Variants in RORA observed in about 807,000 individuals in gnomAD.
RORA encodes the protein RAR related orphan receptor A.
RORA carries 7 observed loss-of-function variants against 69.5 expected under a neutral mutation model. The observed-to-expected ratio is 0.10, with a 90% CI of 0.06 to 0.19. The LOEUF (loss-of-function observed/expected upper bound fraction) is 0.19. Among genes scored for constraint, RORA ranks in the 10% least tolerant of loss-of-function variants. The pLI, the probability that RORA is intolerant of heterozygous loss-of-function variation, is 1.00. For missense variants in RORA, 457 were observed against 663.0 expected, an observed-to-expected ratio of 0.69 and a Z score of 3.41; for synonymous variants, 261 against 240.8, an observed-to-expected ratio of 1.08 and a Z score of -0.78.
In RORA at chr15:60,628,135, C is replaced by T. The variant is rs148776364; in HGVS notation, c.196+50522G>A. Among the ~76,000 whole-genome samples, 48 of 152,220 alleles carry T rather than the reference C, an allele frequency of 3.2e-4. No individual in the cohort carries two copies. The South Asian group carries it at 3.9e-3, about 12-fold the overall frequency. On this transcript the variant is annotated intron_variant, in intron 2 of 10. Transcript: ENST00000335670. ...AACATTGGTATGTTACTGATTATTT[C>T]GCTAGTTTTTACCTGGTGTCCTCTT...
At chr15:61,029,170 A>C (rs1896001797) in intron 1 of RORA, among the ~76,000 whole-genome samples, 1 of 152,184 alleles carries the variant, frequency 6.6e-6, no homozygotes. Context: ...TCTAAACACC[A>C]ACCCGAACCA....
intron 1 of RORA, among the ~76,000 whole-genome samples, chr15:61,062,108 G>A (rs2140547346): frequency 6.6e-6 from 1 of 152,244 alleles, no homozygotes; most frequent in East Asian, 1.9e-4. Flanking sequence ...GGTAAAGACA[G>A]TACCCCCACC....
intron 1 of RORA, among the ~76,000 whole-genome samples, chr15:60,791,364 T>C (rs931139983): frequency 6.6e-6 from 1 of 152,202 alleles, no homozygotes; most frequent in Non-Finnish European, 1.5e-5. Flanking sequence ...AGTTAAGTTA[T>C]CTACACACAA....
At chr15:61,202,158 C>T (rs1201650457) in intron 1 of RORA, among the ~76,000 whole-genome samples, 1 of 151,986 alleles carries the variant, frequency 6.6e-6, no homozygotes, top group South Asian at 2.1e-4. Context: ...CAGGTGCGCA[C>T]CACCATGCCC....
chr15:60,726,970 GT>G (rs1232804480), intron 1 of RORA, among the ~76,000 whole-genome samples: 1 of 152,114 alleles, frequency 6.6e-6, no homozygotes, highest in African/African-American at 2.4e-5. Context: ...GATATAAAGT[GT>G]TTTTTGAGCA....
At chr15:60,561,080 T>G (rs1462394902) in intron 2 of RORA, among the ~76,000 whole-genome samples, 7 of 131,646 alleles carry the variant, frequency 5.3e-5, no homozygotes, top group South Asian at 4.4e-4. Flanking sequence ...TGTTTTGTTT[T>G]TGTTTTTTTT....
chr15:60,765,143 C>T (rs2071966653), intron 1 of RORA: 2 of 151,840 alleles, frequency 1.3e-5, no homozygotes, highest in Non-Finnish European at 2.9e-5. Context: ...ATCCCAGGGC[C>T]CATTTCTAAT....
At chr15:60,601,972 A>G (rs192391209) in intron 2 of RORA, among the ~76,000 whole-genome samples, 7 of 152,314 alleles carry the variant, frequency 4.6e-5, no homozygotes, top group Admixed American at 3.9e-4. Flanking sequence ...TACAGTATAC[A>G]TTATTGAGAA....
At chr15:61,165,057 G>A (rs1457068075) in intron 1 of RORA, among the ~76,000 whole-genome samples, 1 of 152,160 alleles carries the variant, frequency 6.6e-6, no homozygotes, top group Non-Finnish European at 1.5e-5. Flanking sequence ...AAGGCATCCT[G>A]CTTCTCTCTG....
intron 2 of RORA, among the ~76,000 whole-genome samples, chr15:60,634,566 G>A (rs1354274049): frequency 1.3e-5 from 2 of 150,006 alleles, no homozygotes; most frequent in Non-Finnish European, 3.0e-5. Context: ...CACCACGCCC[G>A]GCTAATTTTT....
At chr15:60,773,960 C>G (rs986336015) in intron 1 of RORA, among the ~76,000 whole-genome samples, 2 of 152,230 alleles carry the variant, frequency 1.3e-5, no homozygotes, top group Non-Finnish European at 2.9e-5. Context: ...TGAAATACTT[C>G]TTTTCTCCCA....
chr15:60,627,262 G>A (rs199561498), intron 2 of RORA: 10 of 1,614,100 alleles, frequency 6.2e-6, no homozygotes, highest in Admixed American at 1.7e-5. Flanking sequence ...ACCTGCAGGT[G>A]TGGGTGTGGC....
At chr15:60,710,083 G>T (rs577504084) in intron 1 of RORA, among the ~76,000 whole-genome samples, 9 of 152,290 alleles carry the variant, frequency 5.9e-5, no homozygotes, top group Admixed American at 1.3e-4. Flanking sequence ...AAACACTCAG[G>T]GCTGGAGGCC....
At chr15:60,718,144 A>G (rs1286926721) in intron 1 of RORA, among the ~76,000 whole-genome samples, 2 of 152,188 alleles carry the variant, frequency 1.3e-5, no homozygotes, top group Non-Finnish European at 2.9e-5. Flanking sequence ...TTATGTCACT[A>G]TGGTACAGTT....
intron 2 of RORA, chr15:60,558,242 C>G (rs1243407018): frequency 6.2e-7 from 1 of 1,611,496 alleles, no homozygotes; most frequent in Non-Finnish European, 8.5e-7. Flanking sequence ...CCAGTAAGAA[C>G]AAAAGCATCA....
intron 1 of RORA, among the ~76,000 whole-genome samples, chr15:60,713,731 C>A (rs2071177913): frequency 1.3e-5 from 2 of 152,166 alleles, no homozygotes; most frequent in Admixed American, 1.3e-4. Context: ...ATGCCACAGT[C>A]CCCATGACAG....
intron 1 of RORA, among the ~76,000 whole-genome samples, chr15:60,709,918 G>C (rs1248412609): frequency 1.3e-5 from 2 of 152,120 alleles, no homozygotes; most frequent in Non-Finnish European, 2.9e-5. Flanking sequence ...GTTGGGGACT[G>C]TTGCTTTAGA....
chr15:61,156,288 T>C (rs2079441828), intron 1 of RORA, among the ~76,000 whole-genome samples: 1 of 152,172 alleles, frequency 6.6e-6, no homozygotes, highest in South Asian at 2.1e-4. Flanking sequence ...TCTAGATTTT[T>C]TGTTTGTGTT....
chr15:60,979,728 G>A (rs533035833), intron 1 of RORA, among the ~76,000 whole-genome samples: 27 of 55,738 alleles, frequency 4.8e-4, no homozygotes, highest in African/African-American at 1.1e-3. Context: ...GTGTGTGTAT[G>A]TATGTGTGTG....
Sources: allele counts gnomAD v4.1 joint callset (sites outside exome capture counted in the v4.1 genomes callset), GRCh38; gene constraint gnomAD v4.1.1; transcripts MANE v1.5; gene names NCBI Gene and HGNC (gene_info 2026-07-23, HGNC 2026-07-21).